SPTLC3: variants seen among roughly 807,000 people sequenced by gnomAD.
SPTLC3 encodes serine palmitoyltransferase 3.
A neutral mutation model predicts 59.3 loss-of-function variants in SPTLC3; 36 were observed. That is an observed-to-expected ratio of 0.61 (90% confidence interval 0.47 to 0.80). The LOEUF (loss-of-function observed/expected upper bound fraction) is 0.80. Among genes scored for constraint, SPTLC3 ranks in the 30% least tolerant of loss-of-function variants. SPTLC3 has a pLI of 0.00. For synonymous variants in SPTLC3, 257 were observed against 240.8 expected (o/e 1.07, Z -0.62); for missense variants, 625 against 685.1 (o/e 0.91, Z 0.98).
chr20:13,052,568 T>G (rs950044647), intron 2 of SPTLC3, among the ~76,000 whole-genome samples: 1 of 152,124 alleles, frequency 6.6e-6, no homozygotes, highest in African/African-American at 2.4e-5. Flanking sequence ...GAAAGGGGGT[T>G]GAAGCCAGGG....
At chr20:13,127,770 T>C (rs1379262498) in intron 9 of SPTLC3, among the ~76,000 whole-genome samples, 1 of 152,208 alleles carries the variant, frequency 6.6e-6, no homozygotes, top group Non-Finnish European at 1.5e-5. Context: ...GGTAAAGGCC[T>C]GCAGGAGGAT....
chr20:13,145,871 C>A (rs2038498409), intron 9 of SPTLC3, among the ~76,000 whole-genome samples: 1 of 152,082 alleles, frequency 6.6e-6, no homozygotes, highest in African/African-American at 2.4e-5. Flanking sequence ...ACAAACTTGA[C>A]AAAAACAAGT....
intron 9 of SPTLC3, among the ~76,000 whole-genome samples, chr20:13,153,608 T>C (rs2038699287): frequency 6.6e-6 from 1 of 152,098 alleles, no homozygotes; most frequent in African/African-American, 2.4e-5. Flanking sequence ...TCTACCAATA[T>C]CTGCTATGAA....
At chr20:13,091,588 A>G (rs199878666) in intron 5 of SPTLC3, among the ~76,000 whole-genome samples, 1 of 129,708 alleles carries the variant, frequency 7.7e-6, no homozygotes, top group East Asian at 2.0e-4. Context: ...AAAAAAAGAA[A>G]AAAAGAAGAA....
chr20:13,049,060 A>C lies in SPTLC3; in HGVS notation c.233A>C (p.Tyr78Ser). The C allele has an allele frequency of 6.2e-7, 1 of 1,613,920 alleles. No homozygotes were observed. Among genetic ancestry groups the C allele is most frequent in the Middle Eastern group, 1.7e-4 (1 of 6,054 alleles). ...MGYGIGTLFG[Y>S]LRDFLRNWGI... ...TATGGAATTGGAACCCTGTTTGGCT[A>C]TCTCAGAGACTTTTTAAGAAACTGG... The change falls in exon 2 of 12, where the codon TAT becomes TCT. Residue 78 changes from tyrosine (Y) to serine (S), a missense_variant. Coordinates refer to ENST00000399002, the MANE Select transcript of SPTLC3 (RefSeq NM_018327.4).
Position 13,162,451 on chromosome 20 carries a change from C to T in SPTLC3, c.1546-2303C>T, listed in dbSNP as rs572282311. ...GCCTCTAAACTGTTGAGATCATGTG[C>T]CCATCTCAACAGAAAATTTTGAGCA... On this transcript the variant is annotated intron_variant, in intron 11 of 11. Coordinates refer to ENST00000399002, the MANE Select transcript of SPTLC3 (RefSeq NM_018327.4). Among the ~76,000 whole-genome samples the T allele has an allele frequency of 2.6e-5, 4 of 152,240 alleles. No homozygotes were observed. In the South Asian group the frequency reaches 8.3e-4, roughly 32 times the overall value.
chr20:13,164,128 T>A (rs1272182018), intron 11 of SPTLC3, among the ~76,000 whole-genome samples: 1 of 152,090 alleles, frequency 6.6e-6, no homozygotes, highest in Non-Finnish European at 1.5e-5. Flanking sequence ...GAAAATGACC[T>A]TTTTTTACTT....
chr20:13,142,365 C>T (rs2038403725), intron 9 of SPTLC3, among the ~76,000 whole-genome samples: 2 of 152,164 alleles, frequency 1.3e-5, no homozygotes, highest in Non-Finnish European at 2.9e-5. Flanking sequence ...TGATGTAATA[C>T]ATATGGAATT....
intron 2 of SPTLC3, among the ~76,000 whole-genome samples, chr20:13,064,082 T>G (rs1403027308): frequency 6.6e-6 from 1 of 151,416 alleles, no homozygotes; most frequent in Non-Finnish European, 1.5e-5. Context: ...CAGGCTGGAG[T>G]GCAGTGGTGT....
chr20:13,156,797 T>G (rs1261550841), intron 10 of SPTLC3, among the ~76,000 whole-genome samples: 1 of 152,204 alleles, frequency 6.6e-6, no homozygotes, highest in Admixed American at 6.5e-5. Flanking sequence ...GCAACAATGA[T>G]GATCATTATC....
chr20:13,095,171 TG>T (rs1462354118), intron 6 of SPTLC3, among the ~76,000 whole-genome samples: 1 of 152,200 alleles, frequency 6.6e-6, no homozygotes, highest in Non-Finnish European at 1.5e-5. Context: ...GCATGACAGA[TG>T]ATTGCTGATC....
chr20:13,012,817 T>C (rs949314843), intron 1 of SPTLC3, among the ~76,000 whole-genome samples: 3 of 152,152 alleles, frequency 2.0e-5, no homozygotes, highest in African/African-American at 7.2e-5. Flanking sequence ...CCTTTTTCAG[T>C]ATGTTCTAGG....
chr20:13,054,040 T>C (rs1987612907), intron 2 of SPTLC3, among the ~76,000 whole-genome samples: 1 of 152,096 alleles, frequency 6.6e-6, no homozygotes. Flanking sequence ...AAAGAGAAAG[T>C]TAAATTGGGA....
At chr20:13,053,171 T>C (rs1987569464) in intron 2 of SPTLC3, among the ~76,000 whole-genome samples, 1 of 152,062 alleles carries the variant, frequency 6.6e-6, no homozygotes, top group African/African-American at 2.4e-5. Flanking sequence ...TGGGTGGCCC[T>C]CTGGGATGAA....
chr20:13,074,646 T>C, intron 4 of SPTLC3, 149 bp downstream of exon 4: 1 of 950,238 alleles, frequency 1.1e-6, no homozygotes, highest in Non-Finnish European at 1.5e-6. Flanking sequence ...TTGGGAAATT[T>C]CAAGCATTAG....
At chr20:13,093,077 C>A (rs2122632293) in intron 5 of SPTLC3, among the ~76,000 whole-genome samples, 1 of 152,160 alleles carries the variant, frequency 6.6e-6, no homozygotes, top group East Asian at 1.9e-4. Flanking sequence ...CACAAAAGAC[C>A]CTTGCCTTTC....
intron 8 of SPTLC3, 25 bp downstream of exon 8, chr20:13,117,750 G>C (rs754566521): frequency 6.3e-7 from 1 of 1,580,418 alleles, no homozygotes; most frequent in East Asian, 2.2e-5. Flanking sequence ...GCTTGTGTCT[G>C]TTTAAAACCT....
At chr20:13,014,896 G>A (rs1482461212) in intron 1 of SPTLC3, among the ~76,000 whole-genome samples, 2 of 152,134 alleles carry the variant, frequency 1.3e-5, no homozygotes, top group African/African-American at 4.8e-5. Context: ...CACTCCTATG[G>A]CAGAGAAAGC....
At chr20:13,083,434 G>A (rs4814199) in intron 4 of SPTLC3, among the ~76,000 whole-genome samples, 28,292 of 152,096 alleles carry the variant, frequency 0.19, 2,761 homozygotes, top group East Asian at 0.27. Flanking sequence ...ACAATATAGA[G>A]CCTCTCATCT....
Sources: allele counts gnomAD v4.1 joint callset (sites outside exome capture counted in the v4.1 genomes callset), GRCh38; gene constraint gnomAD v4.1.1; transcripts MANE v1.5; gene names NCBI Gene and HGNC (gene_info 2026-07-23, HGNC 2026-07-21).